CFAP263: variants seen among roughly 807,000 people sequenced by gnomAD.
The protein encoded by CFAP263 is cilia- and flagella-associated protein 263.
At chr16:58,278,431 A>G in the CFAP263 span, 1 of 1,585,150 alleles carries the variant, frequency 6.3e-7, no homozygotes, top group South Asian at 1.1e-5. Flanking sequence ...TGAGTTCTCA[A>G]AGCAAGAGCT....
the CFAP263 span, among the ~76,000 whole-genome samples, chr16:58,263,675 G>A: frequency 8.3e-4 from 126 of 152,232 alleles, 1 homozygote; most frequent in African/African-American, 1.9e-3. Context: ...TGAAAAAACC[G>A]GGGGTCAAAG....
At chr16:58,269,308 G>T in the CFAP263 span, among the ~76,000 whole-genome samples, 4 of 151,812 alleles carry the variant, frequency 2.6e-5, no homozygotes, top group South Asian at 8.3e-4. Context: ...TCCAGCCTCA[G>T]TGACAGAGGG....
the CFAP263 span, among the ~76,000 whole-genome samples, chr16:58,273,417 T>C: frequency 2.6e-5 from 4 of 152,178 alleles, no homozygotes; most frequent in Non-Finnish European, 4.4e-5. Flanking sequence ...TCTCTATCAA[T>C]CTACAAGTTT....
the CFAP263 span, among the ~76,000 whole-genome samples, chr16:58,269,779 T>C: frequency 3.3e-5 from 5 of 152,248 alleles, no homozygotes; most frequent in African/African-American, 9.6e-5. Context: ...CATCCTGATA[T>C]GAACATTCTG....
At chr16:58,271,364 TA>T in the CFAP263 span, among the ~76,000 whole-genome samples, 1 of 152,228 alleles carries the variant, frequency 6.6e-6, no homozygotes, top group Admixed American at 6.5e-5. Flanking sequence ...CAGTTTCCCT[TA>T]TTTTAACCTC....
chr16:58,256,462 A>G, the CFAP263 span, among the ~76,000 whole-genome samples: 14 of 152,182 alleles, frequency 9.2e-5, no homozygotes, highest in African/African-American at 3.4e-4. Context: ...GGTAAGGAGA[A>G]TGACATGGGC....
chr16:58,280,127 T>C, the CFAP263 span: 1 of 1,258,528 alleles, frequency 7.9e-7, no homozygotes, highest in Non-Finnish European at 1.1e-6. Flanking sequence ...GCAGCCCCAG[T>C]GTGCAACTAT....
chr16:58,279,858 C>A, the CFAP263 span: 1 of 1,128,266 alleles, frequency 8.9e-7, no homozygotes, highest in Non-Finnish European at 1.3e-6. Flanking sequence ...GCTCCTCTCA[C>A]TGTTCCCTGT....
At chr16:58,264,540 C>T in the CFAP263 span, among the ~76,000 whole-genome samples, 1 of 152,158 alleles carries the variant, frequency 6.6e-6, no homozygotes, top group Non-Finnish European at 1.5e-5. Context: ...TGAATGGGGG[C>T]TCTGCTGCGG....
the CFAP263 span, chr16:58,250,265 C>T: frequency 9.0e-6 from 5 of 554,676 alleles, no homozygotes; most frequent in Non-Finnish European, 1.6e-5. Flanking sequence ...TCCACCACCA[C>T]TGAGCCAACA....
the CFAP263 span, among the ~76,000 whole-genome samples, chr16:58,258,839 C>G: frequency 6.6e-6 from 1 of 151,714 alleles, no homozygotes; most frequent in Admixed American, 6.6e-5. Flanking sequence ...ATTAGCTGGG[C>G]GAGGTGTTTG....
At chr16:58,274,385 T>A in the CFAP263 span, among the ~76,000 whole-genome samples, 1 of 152,132 alleles carries the variant, frequency 6.6e-6, no homozygotes, top group Non-Finnish European at 1.5e-5. Flanking sequence ...CCAAATAGAG[T>A]CCCCTTGGGC....
the CFAP263 span, among the ~76,000 whole-genome samples, chr16:58,257,312 C>T: frequency 2.7e-5 from 3 of 112,140 alleles, 1 homozygote; most frequent in East Asian, 1.3e-3. Context: ...CCACCGCGCC[C>T]AGCCTGCATA....
At chr16:58,278,400 G>A in the CFAP263 span, 1 of 1,261,208 alleles carries the variant, frequency 7.9e-7, no homozygotes, top group Non-Finnish European at 1.1e-6. Flanking sequence ...TTGGAACTAT[G>A]GGGAGAGATG....
chr16:58,255,622 T>G, the CFAP263 span, among the ~76,000 whole-genome samples: 1 of 148,222 alleles, frequency 6.7e-6, no homozygotes, highest in Non-Finnish European at 1.5e-5. Flanking sequence ...CAGGCTGGAG[T>G]GCAGTGGTGC....
At chr16:58,276,106 A>G in the CFAP263 span, among the ~76,000 whole-genome samples, 1 of 152,248 alleles carries the variant, frequency 6.6e-6, no homozygotes, top group African/African-American at 2.4e-5. Context: ...TAGATCAACA[A>G]GAAAAAACTA....
the CFAP263 span, among the ~76,000 whole-genome samples, chr16:58,274,670 A>G: frequency 3.3e-5 from 5 of 152,280 alleles, 1 homozygote; most frequent in South Asian, 1.0e-3. Flanking sequence ...TTCCACCATG[A>G]TTGTAAGTTT....
chr16:58,283,215 G>A, the CFAP263 span: 3 of 152,318 alleles, frequency 2.0e-5, no homozygotes, highest in South Asian at 4.1e-4. Flanking sequence ...GAACCTGGTG[G>A]TTGATTCTAC....
chr16:58,280,169 G>T, the CFAP263 span: 1 of 1,525,532 alleles, frequency 6.6e-7, no homozygotes, highest in Non-Finnish European at 8.9e-7. Context: ...CATGGTGAAT[G>T]CCTGGCACTC....
Sources: gnomAD v4.1 joint callset for allele counts (sites outside exome capture counted in the v4.1 genomes callset) on GRCh38, gnomAD v4.1.1 for gene constraint, MANE v1.5 for transcripts, NCBI Gene and HGNC (gene_info 2026-07-23, HGNC 2026-07-21) for gene names.